Variants in PPM1A observed in about 807,000 individuals in gnomAD.
PPM1A encodes protein phosphatase 1A.
PPM1A carries 7 observed loss-of-function variants against 35.0 expected under a neutral mutation model. The observed-to-expected ratio is 0.20, with a 90% CI of 0.11 to 0.38. PPM1A has a LOEUF of 0.38. PPM1A is among the 10% of genes least tolerant of loss of function. PPM1A has a pLI of 1.00. For synonymous variants in PPM1A, 153 were observed against 167.3 expected, an observed-to-expected ratio of 0.91 and a Z score of 0.66; for missense variants, 239 against 467.8, an observed-to-expected ratio of 0.51 and a Z score of 4.51.
chr14:60,271,331 A>G lies in PPM1A; in HGVS notation c.-20-11353A>G, dbSNP rs559884115. Among the ~76,000 whole-genome samples, 10 of 152,314 alleles carry G rather than the reference A, an allele frequency of 6.6e-5. No individual in the cohort carries two copies. The South Asian group carries it at 2.1e-3, about 32-fold the overall frequency. On this transcript the variant is annotated intron_variant, in intron 1 of 5. Transcript: ENST00000395076. ...TCTCAAGATTCTTAATCACATCTGC[A>G]AAGACCTTTTTTTCCAAATAAGGTA...
rs563199533 is a variant in PPM1A at position 60,268,465 on chromosome 14, T to TA, written c.-20-14216dup. ...GTATAGCCTGTTTGGCTTCTAATTT[T>TA]AAATAATTTTTTTAGTTAGACTATT... On this transcript the variant is annotated intron_variant, in intron 1 of 5. Coordinates refer to ENST00000395076, the MANE Select transcript of PPM1A (RefSeq NM_021003.5). The TA allele has an allele frequency of 3.3e-4, 304 of 909,900 alleles. No homozygotes were observed. The African/African-American group carries it at 5.0e-3, about 15-fold the overall frequency. The allele number at this position is 909,900 out of a possible 1,614,324, so 56.4% of individuals were successfully genotyped here. A position where few individuals can be genotyped will look rare whatever the true frequency, so the allele number is the denominator to read the frequency against.
chr14:60,270,709 G>A lies in PPM1A; in HGVS notation c.-20-11975G>A, dbSNP rs1452351934. ...AACTTTGTCTTTCTTGATTTTTCTC[G>A]ATGCTTGTTGAAATTACTGATTATT... is the stretch of plus-strand genomic sequence containing the variant. On this transcript the variant is annotated intron_variant, in intron 1 of 5. Transcript: ENST00000395076. Among the ~76,000 whole-genome samples the A allele has an allele frequency of 7.0e-5, 4 of 56,850 alleles. No homozygotes were observed. The African/African-American group carries it at 7.8e-4, about 11-fold the overall frequency. 37.3% of individuals were successfully genotyped at this position (56,850 alleles called of 152,430 possible). A position where few individuals can be genotyped will look rare whatever the true frequency, so the allele number is the denominator to read the frequency against.
rs892600402 is a variant in PPM1A at position 60,249,400 on chromosome 14, A to G, written c.-298A>G. The G allele has an allele frequency of 3.0e-6, 3 of 984,290 alleles. No individual in the cohort carries two copies. The highest frequency in any genetic ancestry group is 1.8e-5 in the African/African-American group (1 of 57,066). The allele number at this position is 984,290 out of a possible 1,614,324, so 61.0% of individuals were successfully genotyped here. On this transcript the variant is annotated 5_prime_UTR_variant, in exon 1 of 6. The change abolishes an upstream ATG in the 5' untranslated region. Transcript: ENST00000395076. The surrounding 1 kb of genome is among the most constrained non-coding windows in gnomAD (Gnocchi z 4.5). ...TCTAGACAGCTGAGGCGCGAAAGCG[A>G]TGAGTCCTCGGCTCTTCCTCCTCCT...
upstream of PPM1A, chr14:60,248,603 C>G (rs1176867152): frequency 6.8e-6 from 1 of 146,248 alleles, no homozygotes; most frequent in Admixed American, 6.8e-5. Flanking sequence ...GAGTGGGACT[C>G]TGGGGTAGGG....
chr14:60,294,703 C>T lies in PPM1A; in HGVS notation c.*2221C>T, dbSNP rs952571517. 2.0e-5 allele frequency: 3 copies of T among 150,584 alleles called. No homozygotes were observed. Among genetic ancestry groups the T allele is most frequent in the African/African-American group, 7.3e-5 (3 of 41,038 alleles). The allele number at this position is 150,584 out of a possible 1,614,324, so 9.3% of individuals were successfully genotyped here. A position where few individuals can be genotyped will look rare whatever the true frequency, so the allele number is the denominator to read the frequency against. Reference sequence around the variant, plus strand: ...AAAGCTGTATTTCAAACCATAACAGCATATTTAGAGCCTTTTTTTTTTGAG... The same window carrying T: ...AAAGCTGTATTTCAAACCATAACAGTATATTTAGAGCCTTTTTTTTTTGAG... On this transcript the variant is annotated 3_prime_UTR_variant, in exon 6 of 6. Coordinates refer to ENST00000395076, the MANE Select transcript of PPM1A (RefSeq NM_021003.5).
rs979119318 is a variant in PPM1A at position 60,293,913 on chromosome 14, C to T, written c.*1431C>T. The T allele has an allele frequency of 2.0e-5, 3 of 151,822 alleles. No homozygotes were observed. Among genetic ancestry groups the T allele is most frequent in the African/African-American group, 4.8e-5 (2 of 41,374 alleles). 9.4% of individuals were successfully genotyped at this position (151,822 alleles called of 1,614,324 possible). A position where few individuals can be genotyped will look rare whatever the true frequency, so the allele number is the denominator to read the frequency against. On this transcript the variant is annotated 3_prime_UTR_variant, in exon 6 of 6. Coordinates refer to ENST00000395076, the MANE Select transcript of PPM1A (RefSeq NM_021003.5). This position sits in a 1 kb window ranked among gnomAD's most constrained non-coding sequence, Gnocchi z 4.0. ...TGTGAAAGTAAGTTTTAAAATCTGT[C>T]GCATTGAAAAGATTACTGTTCCGTG... is the stretch of plus-strand genomic sequence containing the variant.
At chr14:60,275,589 C>G (rs1440159844) in intron 1 of PPM1A, among the ~76,000 whole-genome samples, 2 of 152,136 alleles carry the variant, frequency 1.3e-5, no homozygotes, top group African/African-American at 2.4e-5. Flanking sequence ...TGGGCCCAAG[C>G]AGTCCTCCTT....
rs984479197 is a variant in PPM1A at position 60,282,156 on chromosome 14, G to A, written c.-20-528G>A. On this transcript the variant is annotated intron_variant, in intron 1 of 5. Coordinates refer to ENST00000395076, the MANE Select transcript of PPM1A (RefSeq NM_021003.5). This position sits in a 1 kb window ranked among gnomAD's most constrained non-coding sequence, Gnocchi z 5.1. ...CTGACATGAGCAAAGGCTTGAAGGA[G>A]CATGCAAATTTGGAGCATTGTGAGT... Among the ~76,000 whole-genome samples the A allele has an allele frequency of 1.3e-5, 2 of 152,194 alleles. No homozygotes were observed. The highest frequency in any genetic ancestry group is 2.9e-5 in the Non-Finnish European group (2 of 68,044).
Position 60,282,258 on chromosome 14 carries a change from T to C in PPM1A, c.-20-426T>C. On this transcript the variant is annotated intron_variant, in intron 1 of 5. Coordinates refer to ENST00000395076, the MANE Select transcript of PPM1A (RefSeq NM_021003.5). This position sits in a 1 kb window ranked among gnomAD's most constrained non-coding sequence, Gnocchi z 5.1. ...GTTTGGAATCAAGCTTGAAAATTCCTGAATGTTCAACCAAGATATATTTGA... is the reference window on the plus strand; with the variant it reads ...GTTTGGAATCAAGCTTGAAAATTCCCGAATGTTCAACCAAGATATATTTGA... Among the ~76,000 whole-genome samples, 1 of 122,636 alleles carries C rather than the reference T, an allele frequency of 8.2e-6. No individual in the cohort carries two copies. The highest frequency in any genetic ancestry group is 2.5e-4 in the South Asian group (1 of 3,924). 80.5% of individuals were successfully genotyped at this position (122,636 alleles called of 152,430 possible).
intron 1 of PPM1A, among the ~76,000 whole-genome samples, chr14:60,267,614 AG>A (rs1884549843): frequency 6.6e-6 from 1 of 152,108 alleles, no homozygotes; most frequent in African/African-American, 2.4e-5. Context: ...TAGATAACTT[AG>A]GTAATTTGAG....
In PPM1A at chr14:60,283,580, T is replaced by C. The variant is rs1269125739; in HGVS notation, c.834+43T>C. On this transcript the variant is annotated intron_variant, in intron 2 of 5. Transcript: ENST00000395076. The surrounding 1 kb of genome is among the most constrained non-coding windows in gnomAD (Gnocchi z 6.3). ...AAAAACATAAAATGATTTTATGCCATATTAATCACTACTCTAGTATTTAAT... is the reference window on the plus strand; with the variant it reads ...AAAAACATAAAATGATTTTATGCCACATTAATCACTACTCTAGTATTTAAT... The C allele has an allele frequency of 2.6e-6, 4 of 1,534,286 alleles. No individual in the cohort carries two copies. The highest frequency in any genetic ancestry group is 3.5e-6 in the Non-Finnish European group (4 of 1,141,158).
At chr14:60,253,520 C>T (rs997230711) in intron 1 of PPM1A, among the ~76,000 whole-genome samples, 1 of 152,084 alleles carries the variant, frequency 6.6e-6, no homozygotes, top group Admixed American at 6.5e-5. Context: ...CTCCTTATTA[C>T]CAGGAACCAA....
chr14:60,251,186 T>C (rs575080588), intron 1 of PPM1A, among the ~76,000 whole-genome samples: 1 of 152,382 alleles, frequency 6.6e-6, no homozygotes, highest in South Asian at 2.1e-4. Context: ...ACCACATTAT[T>C]GAAACTATAA....
chr14:60,298,469 A>G lies in PPM1A; in HGVS notation c.*5987A>G, dbSNP rs1888227111. On this transcript the variant is annotated 3_prime_UTR_variant, in exon 6 of 6. Transcript: ENST00000395076. ...TAAAATATAATAAGTACAATGTAAC[A>G]AACGTATAGAATTTTGCATTTGTTG... is the stretch of plus-strand genomic sequence containing the variant. The G allele has an allele frequency of 6.6e-6, 1 of 151,778 alleles. No individual in the cohort carries two copies. Among genetic ancestry groups the G allele is most frequent in the Admixed American group, 6.6e-5 (1 of 15,232 alleles). 9.4% of individuals were successfully genotyped at this position (151,778 alleles called of 1,614,324 possible).
intron 1 of PPM1A, among the ~76,000 whole-genome samples, chr14:60,255,178 T>G (rs1566569754): frequency 1.8e-5 from 2 of 111,318 alleles, no homozygotes; most frequent in East Asian, 2.2e-4. Context: ...TTTTTTGTTT[T>G]GTTTTGTTTT....
rs17097295 is a variant in PPM1A, at chr14:60,292,200, C to T, written c.1120-253C>T. Among the ~76,000 whole-genome samples the T allele has an allele frequency of 0.013, 1,934 of 152,200 alleles. 45 individuals carry two copies. The highest frequency in any genetic ancestry group is 0.044 in the African/African-American group (1,843 of 41,516). On this transcript the variant is annotated intron_variant, in intron 5 of 5. Coordinates refer to ENST00000395076, the MANE Select transcript of PPM1A (RefSeq NM_021003.5). The surrounding 1 kb of genome is among the most constrained non-coding windows in gnomAD (Gnocchi z 4.2). ...TAGTAGATTTATTGATTGAGTAATA[C>T]ATTTGGACAGCCTCATCATAAAACC... is the stretch of plus-strand genomic sequence containing the variant.
In PPM1A at chr14:60,294,900, T is replaced by C. The variant is rs965745351; in HGVS notation, c.*2418T>C. 21 of 151,818 alleles carry C rather than the reference T, an allele frequency of 1.4e-4. No individual in the cohort carries two copies. The highest frequency in any genetic ancestry group is 5.3e-4 in the Admixed American group (8 of 15,212). The allele number at this position is 151,818 out of a possible 1,614,324, so 9.4% of individuals were successfully genotyped here. On this transcript the variant is annotated 3_prime_UTR_variant, in exon 6 of 6. Coordinates refer to ENST00000395076, the MANE Select transcript of PPM1A (RefSeq NM_021003.5). ...TTACTATAAAAATACAGGAAGGAAG[T>C]ATACATTATAACAGCAGACTGTGTG...
intron 1 of PPM1A, among the ~76,000 whole-genome samples, chr14:60,275,844 C>CT (rs531960264): frequency 0.031 from 4,043 of 130,324 alleles, 135 homozygotes; most frequent in East Asian, 0.076. Context: ...AAAGATTAGC[C>CT]TTTTTTTTTT....
intron 3 of PPM1A, chr14:60,288,348 T>C (rs1333530096): frequency 1.0e-6 from 1 of 973,370 alleles, no homozygotes; most frequent in Non-Finnish European, 1.2e-6. Flanking sequence ...TGTTTATTTC[T>C]ATTGTATCTA....
Sources: allele counts gnomAD v4.1 joint callset (sites outside exome capture counted in the v4.1 genomes callset), GRCh38; gene constraint gnomAD v4.1.1; non-coding constraint Gnocchi (gnomAD v3.1); transcripts MANE v1.5; gene names NCBI Gene and HGNC (gene_info 2026-07-23, HGNC 2026-07-21).